NOX4: variants seen among roughly 807,000 people sequenced by gnomAD.
The protein encoded by NOX4 is kidney oxidase-1.
In NOX4, 69 loss-of-function variants were observed where a neutral mutation model predicts 87.6. The ratio of observed to expected loss-of-function variants is 0.79; its 90% confidence interval spans 0.65 to 0.96. The LOEUF (loss-of-function observed/expected upper bound fraction) is 0.96, where lower values mean the gene tolerates loss of function less well. Ranked by LOEUF, NOX4 falls within the 40% of genes least tolerant of loss-of-function variation. NOX4 has a pLI of 0.00. For synonymous variants in NOX4, 275 were observed against 238.2 expected (o/e 1.15, Z -1.42); for missense variants, 680 against 681.5 (o/e 1.00, Z 0.02).
At chr11:89,433,164 C>G (rs1345748323) in intron 6 of NOX4, among the ~76,000 whole-genome samples, 2 of 151,994 alleles carry the variant, frequency 1.3e-5, no homozygotes, top group African/African-American at 2.4e-5. Flanking sequence ...TTTATTATTA[C>G]TTTGTGTTGG....
At chr11:89,363,909 T>C (rs1465755504) in intron 12 of NOX4, among the ~76,000 whole-genome samples, 1 of 152,080 alleles carries the variant, frequency 6.6e-6, no homozygotes, top group African/African-American at 2.4e-5. Context: ...CAGATAAACA[T>C]GAGAGGCTCT....
chr11:89,429,185 GA>G (rs1943631707), intron 7 of NOX4, among the ~76,000 whole-genome samples: 2 of 152,146 alleles, frequency 1.3e-5, no homozygotes, highest in Non-Finnish European at 2.9e-5. Flanking sequence ...CAACATACCA[GA>G]ATCTCTGGGA....
chr11:89,588,930 A>C, the NOX4 span, among the ~76,000 whole-genome samples: 1 of 152,178 alleles, frequency 6.6e-6, no homozygotes, highest in African/African-American at 2.4e-5. Context: ...TATCGGTAGT[A>C]TTAGCAATAT....
chr11:89,491,412 G>A (rs1946851044), upstream of NOX4: 4 of 618,814 alleles, frequency 6.5e-6, no homozygotes, highest in Non-Finnish European at 8.0e-6. Flanking sequence ...CAGCCCGGGC[G>A]GGGTCTGCTA....
the NOX4 span, among the ~76,000 whole-genome samples, chr11:89,513,667 C>T: frequency 2.0e-5 from 3 of 152,054 alleles, no homozygotes; most frequent in East Asian, 3.9e-4. Context: ...TCCTATTTGA[C>T]ATAAATATGG....
the NOX4 span, among the ~76,000 whole-genome samples, chr11:89,510,604 GA>G: frequency 1.3e-5 from 2 of 152,044 alleles, no homozygotes; most frequent in Non-Finnish European, 2.9e-5. Flanking sequence ...CTCTATACTT[GA>G]GTGTAGAATA....
Position 89,490,559 on chromosome 11 carries a change from C to A in NOX4, c.58-6G>T, listed in dbSNP as rs749670969. On this transcript the variant is annotated splice_polypyrimidine_tract_variant and splice_region_variant and intron_variant, in intron 1 of 17. Transcript: ENST00000263317. ...TTCATGGAGAGCCAGATGAACTAAA[C>A]CAATCAGACATGAGAGACAGAAAAC... 1.9e-6 allele frequency: 3 copies of A among 1,608,810 alleles called. No individual in the cohort carries two copies. The highest frequency in any genetic ancestry group is 2.6e-6 in the Non-Finnish European group (3 of 1,175,458).
chr11:89,552,087 C>G, the NOX4 span, among the ~76,000 whole-genome samples: 1 of 152,102 alleles, frequency 6.6e-6, no homozygotes, highest in Admixed American at 6.6e-5. Flanking sequence ...CCAGATCTTT[C>G]TTATTAAAAT....
At chr11:89,468,744 T>C (rs1945808226) in intron 2 of NOX4, among the ~76,000 whole-genome samples, 1 of 152,154 alleles carries the variant, frequency 6.6e-6, no homozygotes, top group South Asian at 2.1e-4. Context: ...ATTTTGATTT[T>C]CATTTATTTG....
chr11:89,544,401 T>G, the NOX4 span, among the ~76,000 whole-genome samples: 55 of 152,250 alleles, frequency 3.6e-4, no homozygotes, highest in African/African-American at 1.0e-3. Context: ...ACAATAGAAT[T>G]AAATCATCTT....
rs1943880490 is a variant in NOX4 at position 89,432,859 on chromosome 11, A to G, written c.476-3T>C. On this transcript the variant is annotated splice_region_variant and splice_polypyrimidine_tract_variant and intron_variant, in intron 6 of 17. Transcript: ENST00000263317. ...GCAGACCCCTGTCAGGCCAGGAACT[A>G]TAAAAATGTATACAAGTAGGTTTTT... 1 of 1,598,844 alleles carries G rather than the reference A, an allele frequency of 6.3e-7. No homozygotes were observed. The highest frequency in any genetic ancestry group is 1.7e-5 in the Admixed American group (1 of 59,762).
the NOX4 span, among the ~76,000 whole-genome samples, chr11:89,524,450 T>C: frequency 6.6e-6 from 1 of 152,130 alleles, no homozygotes; most frequent in African/African-American, 2.4e-5. Flanking sequence ...TTAATCCACA[T>C]TGTAAGTGAG....
chr11:89,568,693 T>C, the NOX4 span, among the ~76,000 whole-genome samples: 1 of 152,186 alleles, frequency 6.6e-6, no homozygotes, highest in Non-Finnish European at 1.5e-5. Flanking sequence ...CCAAAATTTA[T>C]AGGGAACCAA....
At chr11:89,391,951 CTCCTTCCTTCCT>C in intron 11 of NOX4, among the ~76,000 whole-genome samples, 1 of 147,200 alleles carries the variant, frequency 6.8e-6, no homozygotes, top group East Asian at 2.1e-4. Flanking sequence ...CCTTCCCCTT[CTCCTTCCTTCCT>C]TCCTTCCTTC....
At chr11:89,361,741 T>C (rs1196136912) in intron 12 of NOX4, among the ~76,000 whole-genome samples, 1 of 152,164 alleles carries the variant, frequency 6.6e-6, no homozygotes, top group Non-Finnish European at 1.5e-5. Context: ...CCTAGCATCC[T>C]GCTCCATTTC....
chr11:89,563,943 T>C, the NOX4 span, among the ~76,000 whole-genome samples: 3 of 152,192 alleles, frequency 2.0e-5, no homozygotes, highest in African/African-American at 7.2e-5. Flanking sequence ...TCAGCTTTTA[T>C]TCCTTTACAT....
At chr11:89,512,208 A>G in the NOX4 span, among the ~76,000 whole-genome samples, 4 of 152,018 alleles carry the variant, frequency 2.6e-5, no homozygotes, top group Admixed American at 2.6e-4. Context: ...ACGAACCACA[A>G]TCAAGGTAAT....
chr11:89,543,818 G>A, the NOX4 span, among the ~76,000 whole-genome samples: 2 of 152,004 alleles, frequency 1.3e-5, no homozygotes, highest in African/African-American at 4.8e-5. Context: ...GATCATTGTG[G>A]AAAGTAAATA....
chr11:89,350,958 T>A (rs779896903), intron 13 of NOX4, among the ~76,000 whole-genome samples: 1 of 152,174 alleles, frequency 6.6e-6, no homozygotes, highest in Non-Finnish European at 1.5e-5. Context: ...GTCTCTTACT[T>A]CAATCAAAAA....
Sources: gnomAD v4.1 joint callset for allele counts (sites outside exome capture counted in the v4.1 genomes callset) on GRCh38, gnomAD v4.1.1 for gene constraint, MANE v1.5 for transcripts, NCBI Gene and HGNC (gene_info 2026-07-23, HGNC 2026-07-21) for gene names.